The following OSBPL10 variants were observed in gnomAD, a reference collection of about 807,000 sequenced individuals.
The protein encoded by OSBPL10 is oxysterol binding protein like 10.
A neutral mutation model predicts 81.7 loss-of-function variants in OSBPL10; 49 were observed. The observed-to-expected ratio is 0.60, with a 90% CI of 0.48 to 0.76. The LOEUF (loss-of-function observed/expected upper bound fraction) is 0.76, where lower values mean the gene tolerates loss of function less well. Ranked by LOEUF, OSBPL10 falls within the 30% of genes least tolerant of loss-of-function variation. The pLI, the probability that OSBPL10 is intolerant of heterozygous loss-of-function variation, is 0.00. For missense variants in OSBPL10, 923 were observed against 987.8 expected (o/e 0.93, Z 0.88); for synonymous variants, 419 against 383.6 (o/e 1.09, Z -1.08).
At chr3:31,983,295 C>A (rs994131251), upstream of OSBPL10, among the ~76,000 whole-genome samples, 1 of 152,152 alleles carries the variant, frequency 6.6e-6, no homozygotes, top group Admixed American at 6.5e-5. Flanking sequence ...AAACAACATG[C>A]CTTTTATTGG....
At chr3:31,833,810 T>C (rs1575573804) in intron 3 of OSBPL10, among the ~76,000 whole-genome samples, 1 of 152,064 alleles carries the variant, frequency 6.6e-6, no homozygotes, top group East Asian at 1.9e-4. Context: ...GCTCTGGCAA[T>C]AGACACCTTT....
intron 3 of OSBPL10, among the ~76,000 whole-genome samples, chr3:31,862,830 G>A (rs1268135980): frequency 6.6e-6 from 1 of 152,152 alleles, no homozygotes; most frequent in Non-Finnish European, 1.5e-5. Flanking sequence ...GATGTAAAAT[G>A]GTGCAGCTGC....
At chr3:32,002,339 A>C (rs1575083344) in intron 2 of OSBPL10, among the ~76,000 whole-genome samples, 3 of 152,226 alleles carry the variant, frequency 2.0e-5, no homozygotes, top group Non-Finnish European at 2.9e-5. Context: ...ACACCAGGAG[A>C]ACCATAGGGT....
chr3:32,023,699 A>G (rs1699378223), intron 2 of OSBPL10, among the ~76,000 whole-genome samples: 2 of 152,168 alleles, frequency 1.3e-5, no homozygotes, highest in African/African-American at 4.8e-5. Flanking sequence ...CTGCATTCTC[A>G]GTCCTGCTTC....
intron 3 of OSBPL10, among the ~76,000 whole-genome samples, chr3:31,866,450 A>G (rs1701184057): frequency 6.6e-6 from 1 of 152,164 alleles, no homozygotes; most frequent in African/African-American, 2.4e-5. Context: ...AAGAGAAGAC[A>G]CCCACAGAGC....
chr3:32,072,627 T>G (rs1323349920), intron 1 of OSBPL10, among the ~76,000 whole-genome samples: 1 of 152,290 alleles, frequency 6.6e-6, no homozygotes, highest in Admixed American at 6.5e-5. Flanking sequence ...GGAAATCACT[T>G]CTCAGTGTTC....
In OSBPL10 at chr3:32,044,666, G is replaced by A. The variant is rs552317903; in HGVS notation, n.298+1825C>T. On this transcript the variant is annotated intron_variant and non_coding_transcript_variant, in intron 2 of 3. Coordinates refer to the OSBPL10 transcript ENST00000479173. ...TGAGGCAGGAGAATGGCTTGAACCC[G>A]GGAGGCAGAGGTTGCAGTGAGCCAA... 1.4e-4 allele frequency among the ~76,000 whole-genome samples: 21 copies of A among 149,288 alleles called. No individual in the cohort carries two copies. The South Asian group carries it at 3.8e-3, about 27-fold the overall frequency.
chr3:31,979,042 C>G (rs1182048605), intron 1 of OSBPL10, among the ~76,000 whole-genome samples: 1 of 152,164 alleles, frequency 6.6e-6, no homozygotes, highest in African/African-American at 2.4e-5. Context: ...GCCTCATAAT[C>G]TACTTGAAGA....
chr3:31,685,742 C>T (rs534042262), intron 7 of OSBPL10, among the ~76,000 whole-genome samples: 40 of 152,268 alleles, frequency 2.6e-4, no homozygotes, highest in African/African-American at 3.9e-4. Flanking sequence ...TGTATGATCA[C>T]GGACCACAAA....
At chr3:31,850,729 T>C (rs1054928530) in intron 3 of OSBPL10, among the ~76,000 whole-genome samples, 12 of 152,228 alleles carry the variant, frequency 7.9e-5, no homozygotes, top group African/African-American at 2.9e-4. Context: ...ACGATATTAA[T>C]AGCTACTGAA....
intron 1 of OSBPL10, among the ~76,000 whole-genome samples, chr3:31,898,605 A>C (rs1345394376): frequency 1.3e-5 from 2 of 151,870 alleles, no homozygotes; most frequent in Non-Finnish European, 2.9e-5. Flanking sequence ...TCTAAAAAAA[A>C]AGAATAAGAA....
intron 4 of OSBPL10, among the ~76,000 whole-genome samples, chr3:31,801,042 T>A (rs1699365352): frequency 6.6e-6 from 1 of 151,846 alleles, no homozygotes; most frequent in African/African-American, 2.4e-5. Context: ...GCTACTGACA[T>A]CACCATAGGT....
At chr3:31,697,849 G>C (rs376568103) in intron 7 of OSBPL10, among the ~76,000 whole-genome samples, 234 of 151,704 alleles carry the variant, frequency 1.5e-3, no homozygotes, top group Non-Finnish European at 2.5e-3. Context: ...TGCAACCTCC[G>C]CCTCCCGAGT....
At chr3:31,883,579 A>G (rs771685614) in intron 1 of OSBPL10, among the ~76,000 whole-genome samples, 3 of 135,972 alleles carry the variant, frequency 2.2e-5, no homozygotes, top group Non-Finnish European at 4.6e-5. Flanking sequence ...TCTGTTAGGC[A>G]GGACTGCAAT....
chr3:31,772,190 AT>A (rs1698401860), intron 4 of OSBPL10, among the ~76,000 whole-genome samples: 1 of 152,200 alleles, frequency 6.6e-6, no homozygotes, highest in African/African-American at 2.4e-5. Flanking sequence ...TGGTCACAAC[AT>A]TTTTATCAAC....
At chr3:31,828,933 C>G (rs551112101) in intron 4 of OSBPL10, among the ~76,000 whole-genome samples, 1 of 152,116 alleles carries the variant, frequency 6.6e-6, no homozygotes, top group South Asian at 2.1e-4. Flanking sequence ...CTTTATTAGG[C>G]AAGACACAGT....
At chr3:31,781,592 T>C (rs1009150553) in intron 4 of OSBPL10, among the ~76,000 whole-genome samples, 10 of 152,136 alleles carry the variant, frequency 6.6e-5, no homozygotes, top group Non-Finnish European at 8.8e-5. Context: ...ATCTGATAAA[T>C]GAATTCAGTG....
chr3:31,766,584 C>T (rs949953883), intron 4 of OSBPL10, among the ~76,000 whole-genome samples: 1 of 152,024 alleles, frequency 6.6e-6, no homozygotes, highest in African/African-American at 2.4e-5. Context: ...AAGCAATCTT[C>T]CTCCTCAGCC....
intron 1 of OSBPL10, among the ~76,000 whole-genome samples, chr3:31,980,369 A>G (rs1698800042): frequency 6.6e-6 from 1 of 152,186 alleles, no homozygotes; most frequent in African/African-American, 2.4e-5. Flanking sequence ...CTGGGGCAGG[A>G]GTATGCACAG....
Sources: allele counts gnomAD v4.1 joint callset (sites outside exome capture counted in the v4.1 genomes callset), GRCh38; gene constraint gnomAD v4.1.1; transcripts MANE v1.5; gene names NCBI Gene and HGNC (gene_info 2026-07-23, HGNC 2026-07-21).